The following BCL3 variants were observed in gnomAD, a reference collection of about 807,000 sequenced individuals.
The protein encoded by BCL3 is B-cell lymphoma 3 protein.
In BCL3, 15 loss-of-function variants were observed where a neutral mutation model predicts 35.7. The observed-to-expected ratio is 0.42, with a 90% CI of 0.28 to 0.65. BCL3 has a LOEUF of 0.65. Among genes scored for constraint, BCL3 ranks in the 30% least tolerant of loss-of-function variants. The probability of loss-of-function intolerance (pLI) is 0.22; values close to 1 mark genes in which losing one functional copy is unlikely to be tolerated. For missense variants in BCL3, 565 were observed against 641.7 expected, an observed-to-expected ratio of 0.88 and a Z score of 1.29; for synonymous variants, 311 against 284.3, an observed-to-expected ratio of 1.09 and a Z score of -0.95.
chr19:44,755,143 G>T (rs561642620), intron 2 of BCL3: 2 of 152,490 alleles, frequency 1.3e-5, no homozygotes, highest in Non-Finnish European at 2.9e-5. Flanking sequence ...GCACAAGCAC[G>T]CACGCATGCA....
chr19:44,758,448 C>T (rs34967149), intron 7 of BCL3, 35 bp downstream of exon 7: 81,094 of 1,523,750 alleles, frequency 0.053, 3,902 homozygotes, highest in African/African-American at 0.24. Flanking sequence ...GCCCCTTGCA[C>T]ACGTGTGTCC....
In BCL3 at chr19:44,748,821, G is replaced by T; in HGVS notation, c.31G>T (p.Glu11Ter). Residue 11 changes from glutamate to a stop codon, truncating the protein, a stop_gained, in exon 1 of 9, where the codon GAG (glutamate) becomes TAG (stop). Transcript: ENST00000164227. LOFTEE classifies it high-confidence loss of function. ...CCGATGCCCCGCGGGGGCCATGGAC[G>T]AGGGGCCCGTGGACCTGCGCACCCG... The part of the protein sequence containing the change: MPRCPAGAMD[E>*]GPVDLRTRPK... 1.8e-6 allele frequency: 2 copies of T among 1,108,490 alleles called. No individual in the cohort carries two copies. The highest frequency in any genetic ancestry group is 4.3e-5 in the South Asian group (1 of 23,320). The allele number at this position is 1,108,490 out of a possible 1,614,324, so 68.7% of individuals were successfully genotyped here. A position where few individuals can be genotyped will look rare whatever the true frequency, so the allele number is the denominator to read the frequency against.
At chr19:44,754,330 GC>G (rs376640804) in intron 2 of BCL3, among the ~76,000 whole-genome samples, 1 of 151,926 alleles carries the variant, frequency 6.6e-6, no homozygotes, top group African/African-American at 2.4e-5. Context: ...GGGATTATGC[GC>G]CCCCCCTACA....
At position 44,759,772 on chromosome 19, in the gene BCL3, C is replaced by T; in HGVS notation, c.*157C>T. ...GCACATGCACCTACCCATACACCCC[C>T]TCTTCTGAGCACAGATGTTCCCCCA... is the stretch of plus-strand genomic sequence containing the variant. On this transcript the variant is annotated 3_prime_UTR_variant, in exon 9 of 9. Transcript: ENST00000164227. 1 of 557,456 alleles carries T rather than the reference C, an allele frequency of 1.8e-6. No homozygotes were observed. Among genetic ancestry groups the T allele is most frequent in the Non-Finnish European group, 3.1e-6 (1 of 318,042 alleles). The allele number at this position is 557,456 out of a possible 1,614,324, so 34.5% of individuals were successfully genotyped here. A position where few individuals can be genotyped will look rare whatever the true frequency, so the allele number is the denominator to read the frequency against.
rs1599844277 is a variant in BCL3, at chr19:44,758,734, T to C, written c.1070T>C (p.Ile357Thr). The change falls in exon 8 of 9, where the codon ATC becomes ACC. Residue 357 changes from isoleucine to threonine, a missense_variant. Physicochemically the swap from Ile to Thr is moderately conservative, Grantham distance 89. Transcript: ENST00000164227. The part of the protein sequence containing the change: ...MVARSRRVID[I>T]LRGKATRPAS... ...CCCATCTTCCTACAGGTCATCGACA[T>C]CCTGAGGGGGAAGGCCACCCGGCCT... The C allele has an allele frequency of 6.2e-7, 1 of 1,600,068 alleles. No homozygotes were observed. Among genetic ancestry groups the C allele is most frequent in the African/African-American group, 1.3e-5 (1 of 74,506 alleles).
At position 44,751,285 on chromosome 19, in the gene BCL3, C is replaced by T; in HGVS notation, c.315C>T (p.Asn105=). The T allele has an allele frequency of 6.2e-7, 1 of 1,610,418 alleles. No homozygotes were observed. The change falls in exon 2 of 9, where the codon AAC becomes AAT. Residue 105 remains asparagine (N), a synonymous_variant. Transcript: ENST00000164227. ...RAMGSPFPLV[N]LPTPLYPMMC... ...TGGGCTCCCCGTTTCCTCTGGTGAA[C>T]CTGCCTACACCCCTATACCCCATGA...
upstream of BCL3, chr19:44,748,608 C>A: frequency 2.9e-6 from 2 of 679,116 alleles, no homozygotes; most frequent in Non-Finnish European, 3.7e-6. Context: ...GTCCAGGAAA[C>A]CCCTGGGGCG....
rs1967328119 is a variant in BCL3, at chr19:44,757,830, T to C, written c.891+107T>C. 1 of 1,096,296 alleles carries C rather than the reference T, an allele frequency of 9.1e-7. No individual in the cohort carries two copies. The highest frequency in any genetic ancestry group is 2.5e-5 in the East Asian group (1 of 40,020). 67.9% of individuals were successfully genotyped at this position (1,096,296 alleles called of 1,614,324 possible). A position where few individuals can be genotyped will look rare whatever the true frequency, so the allele number is the denominator to read the frequency against. ...CCCGCCTTCCACTTCTGGCTCCGGC[T>C]CCTGCTCCGCGTCCAGCTCTGATCC... On this transcript the variant is annotated intron_variant, in intron 6 of 8. Transcript: ENST00000164227. The surrounding 1 kb of genome is among the most constrained non-coding windows in gnomAD (Gnocchi z 8.4).
intron 3 of BCL3, 130 bp from the exon 4 acceptor site, chr19:44,756,887 A>G: frequency 1.1e-6 from 1 of 872,510 alleles, no homozygotes; most frequent in Non-Finnish European, 1.7e-6. Context: ...TGAATCTGAG[A>G]CAGGAGGTGT....
At chr19:44,749,355 C>G (rs1391237725) in intron 1 of BCL3, among the ~76,000 whole-genome samples, 1 of 151,506 alleles carries the variant, frequency 6.6e-6, no homozygotes, top group Non-Finnish European at 1.5e-5. Flanking sequence ...GGGCACAGAG[C>G]CTGGTATCCT....
chr19:44,759,003 G>GGCCCCTCCTCCCTCAGACCCCA (rs1392710247), intron 8 of BCL3, among the ~76,000 whole-genome samples, 162 bp downstream of exon 8: 1 of 95,800 alleles, frequency 1.0e-5, no homozygotes, highest in Non-Finnish European at 2.1e-5. Flanking sequence ...TCAGACCCCT[G>GGCCCCTCCTCCCTCAGACCCCA]GCCCCTCCTC....
In BCL3 at chr19:44,759,920, T is replaced by G. The variant is rs1967394641; in HGVS notation, c.*305T>G. 2 of 342,046 alleles carry G rather than the reference T, an allele frequency of 5.8e-6. No homozygotes were observed. The highest frequency in any genetic ancestry group is 4.8e-5 in the East Asian group (1 of 20,634). 21.2% of individuals were successfully genotyped at this position (342,046 alleles called of 1,614,324 possible). A position where few individuals can be genotyped will look rare whatever the true frequency, so the allele number is the denominator to read the frequency against. On this transcript the variant is annotated 3_prime_UTR_variant, in exon 9 of 9. Coordinates refer to ENST00000164227, the MANE Select transcript of BCL3 (RefSeq NM_005178.5). Reference sequence around the variant, plus strand: ...GCTGGTGGACCCAGGGAACAGCCACTCCCCTCCACTCTCTACCAGATAACT... The same window carrying G: ...GCTGGTGGACCCAGGGAACAGCCACGCCCCTCCACTCTCTACCAGATAACT...
At chr19:44,758,486 G>A in intron 7 of BCL3, 73 bp downstream of exon 7, 3 of 1,491,270 alleles carry the variant, frequency 2.0e-6, no homozygotes, top group South Asian at 2.6e-5. Flanking sequence ...GAGTGTGCCA[G>A]AGCGCAGAGG....
At position 44,756,263 on chromosome 19, in the gene BCL3, C is replaced by G; in HGVS notation, c.442C>G (p.Leu148Val). ...CCATATTGCTGTGGTGCAGGGTAAC[C>G]TGCCAGCTGTGCACCGGCTGGTCAA... is the stretch of plus-strand genomic sequence containing the variant. ...PLHIAVVQGN[L>V]PAVHRLVNLF... Residue 148 changes from leucine (L) to valine (V), a missense_variant, in exon 3 of 9, where the codon CTG (leucine) becomes GTG (valine). Transcript: ENST00000164227. The G allele has an allele frequency of 6.4e-7, 1 of 1,552,652 alleles. No individual in the cohort carries two copies. Among genetic ancestry groups the G allele is most frequent in the Non-Finnish European group, 8.7e-7 (1 of 1,146,278 alleles).
chr19:44,757,562 C>T lies in BCL3; in HGVS notation c.814-84C>T. The T allele has an allele frequency of 6.4e-7, 1 of 1,554,830 alleles. No individual in the cohort carries two copies. The highest frequency in any genetic ancestry group is 8.8e-7 in the Non-Finnish European group (1 of 1,131,466). On this transcript the variant is annotated intron_variant, in intron 5 of 8. Transcript: ENST00000164227. The surrounding 1 kb of genome is among the most constrained non-coding windows in gnomAD (Gnocchi z 8.4). ...CAGACCCAAGAGAGAGGCTGGACCC[C>T]GCGAATGGGATGTGGACGGGATGCG...
At position 44,749,020 on chromosome 19, in the gene BCL3, C is replaced by A. The variant is rs1379850243; in HGVS notation, c.230C>A (p.Ala77Asp). 7.3e-7 allele frequency: 1 copy of A among 1,375,900 alleles called. No homozygotes were observed. Among genetic ancestry groups the A allele is most frequent in the Non-Finnish European group, 9.4e-7 (1 of 1,063,976 alleles). 85.2% of individuals were successfully genotyped at this position (1,375,900 alleles called of 1,614,324 possible). The change falls in exon 1 of 9, where the codon GCC becomes GAC. Residue 77 changes from alanine to aspartate, a missense_variant. Physicochemically the swap from Ala to Asp is moderately radical, Grantham distance 126. Coordinates refer to ENST00000164227, the MANE Select transcript of BCL3 (RefSeq NM_005178.5). ...PAVPGPPHGL[A>D]RPEALYYPGA... ...GTCCCCGGGCCCCCCCACGGCCTGG[C>A]CCGGCCGGAGGCGCTTTACTACCCC...
At chr19:44,752,025 A>G (rs1010599037) in intron 2 of BCL3, among the ~76,000 whole-genome samples, 2 of 152,104 alleles carry the variant, frequency 1.3e-5, no homozygotes, top group Non-Finnish European at 2.9e-5. Flanking sequence ...TGGACCTGGC[A>G]TAAATGTTGA....
chr19:44,758,510 G>C lies in BCL3; in HGVS notation c.1059+97G>C, dbSNP rs1160519859. The C allele has an allele frequency of 2.9e-5, 42 of 1,453,228 alleles. No individual in the cohort carries two copies. The East Asian group carries it at 1.0e-3, about 36-fold the overall frequency. 90.0% of individuals were successfully genotyped at this position (1,453,228 alleles called of 1,614,324 possible). On this transcript the variant is annotated intron_variant, in intron 7 of 8. Coordinates refer to ENST00000164227, the MANE Select transcript of BCL3 (RefSeq NM_005178.5). ...AGAGCGCAGAGGAGTGAGGGTGTCT[G>C]TGCCGTTGCGTGGAGGGGAGTGGGT...
chr19:44,751,408 G>A, intron 2 of BCL3, 28 bp downstream of exon 2: 3 of 1,528,072 alleles, frequency 2.0e-6, no homozygotes, highest in Non-Finnish European at 2.6e-6. Context: ...ATTAAGGGGA[G>A]GGGTGGTTGG....
Sources: allele counts gnomAD v4.1 joint callset (sites outside exome capture counted in the v4.1 genomes callset), GRCh38; gene constraint gnomAD v4.1.1; non-coding constraint Gnocchi (gnomAD v3.1); transcripts MANE v1.5; gene names NCBI Gene and HGNC (gene_info 2026-07-23, HGNC 2026-07-21).